Variants in ZDHHC21 observed in about 807,000 individuals in gnomAD.
ZDHHC21 encodes palmitoyltransferase ZDHHC21.
In ZDHHC21, 15 loss-of-function variants were observed where a neutral mutation model predicts 34.6. The ratio of observed to expected loss-of-function variants is 0.43; its 90% CI spans 0.29 to 0.67. The LOEUF (loss-of-function observed/expected upper bound fraction) is 0.67, where lower values mean the gene tolerates loss of function less well. Ranked by LOEUF, ZDHHC21 falls within the 30% of genes least tolerant of loss-of-function variation. ZDHHC21 has a pLI of 0.14. For missense variants in ZDHHC21, 344 were observed against 327.7 expected, an observed-to-expected ratio of 1.05 and a Z score of -0.38; for synonymous variants, 142 against 101.8, an observed-to-expected ratio of 1.40 and a Z score of -2.38.
At chr9:14,643,963 C>T (rs1275544777) in intron 7 of ZDHHC21, among the ~76,000 whole-genome samples, 3 of 152,118 alleles carry the variant, frequency 2.0e-5, no homozygotes, top group East Asian at 3.9e-4. Context: ...TTTGCAAGAA[C>T]GTCTTGATTA....
At chr9:14,652,839 AAAAAACAAGAAAAG>A (rs901870493) in intron 7 of ZDHHC21, among the ~76,000 whole-genome samples, 1 of 152,028 alleles carries the variant, frequency 6.6e-6, no homozygotes, top group African/African-American at 2.4e-5. Flanking sequence ...CTTTCGCCTT[AAAAAACAAGAAAAG>A]AAAAACAAGA....
At chr9:14,601,424 T>C in the ZDHHC21 span, among the ~76,000 whole-genome samples, 1 of 150,808 alleles carries the variant, frequency 6.6e-6, no homozygotes, top group Non-Finnish European at 1.5e-5. Context: ...ATTAGAGAAA[T>C]GCAAATCAAA....
intron 7 of ZDHHC21, among the ~76,000 whole-genome samples, chr9:14,640,742 T>C (rs575221201): frequency 2.0e-5 from 3 of 152,190 alleles, no homozygotes; most frequent in South Asian, 2.1e-4. Flanking sequence ...CAGAGTACTG[T>C]AGAAACATAA....
At chr9:14,603,779 A>T in the ZDHHC21 span, among the ~76,000 whole-genome samples, 3 of 152,198 alleles carry the variant, frequency 2.0e-5, no homozygotes, top group African/African-American at 7.2e-5. Context: ...TTAAGAAACA[A>T]ATACAATCAA....
At chr9:14,641,894 G>T (rs754872822) in intron 7 of ZDHHC21, among the ~76,000 whole-genome samples, 1 of 152,122 alleles carries the variant, frequency 6.6e-6, no homozygotes, top group Non-Finnish European at 1.5e-5. Context: ...GTTTCGGAGT[G>T]GTAAGCCCTG....
At chr9:14,684,806 T>A (rs1247242899) in intron 2 of ZDHHC21, among the ~76,000 whole-genome samples, 2 of 152,080 alleles carry the variant, frequency 1.3e-5, no homozygotes, top group Non-Finnish European at 2.9e-5. Context: ...CAAACTACAC[T>A]ACAAGGCTAC....
intron 7 of ZDHHC21, among the ~76,000 whole-genome samples, chr9:14,641,816 G>A (rs549082849): frequency 1.6e-4 from 24 of 152,206 alleles, no homozygotes; most frequent in African/African-American, 5.3e-4. Flanking sequence ...TCTTAATCAC[G>A]TAATATTTAT....
At chr9:14,669,676 A>G (rs925009462) in intron 5 of ZDHHC21, among the ~76,000 whole-genome samples, 1 of 147,798 alleles carries the variant, frequency 6.8e-6, no homozygotes, top group Admixed American at 6.8e-5. Context: ...ATGCAGCCAT[A>G]AAAAATGATG....
intron 7 of ZDHHC21, among the ~76,000 whole-genome samples, chr9:14,651,501 A>G (rs1171015764): frequency 6.6e-6 from 1 of 151,904 alleles, no homozygotes; most frequent in Non-Finnish European, 1.5e-5. Flanking sequence ...AATTTCAGTT[A>G]CCTTACCTGT....
intron 1 of ZDHHC21, among the ~76,000 whole-genome samples, chr9:14,692,005 G>C (rs1025300266): frequency 4.6e-5 from 7 of 152,200 alleles, no homozygotes; most frequent in African/African-American, 1.7e-4. Flanking sequence ...CAGCTGGATA[G>C]TGACAGAAAT....
Position 14,614,061 on chromosome 9 carries a change from A to G in ZDHHC21, c.*4905T>C, listed in dbSNP as rs2133378038. ...ACAACTCTTCCCATAAAAATGGTATAAATAAGAGATAAGGCTAAAATGATT... is the reference window on the plus strand; with the variant it reads ...ACAACTCTTCCCATAAAAATGGTATGAATAAGAGATAAGGCTAAAATGATT... On this transcript the variant is annotated 3_prime_UTR_variant, in exon 10 of 10. Transcript: ENST00000380916. 6.6e-6 allele frequency: 1 copy of G among 151,918 alleles called. No homozygotes were observed. Among genetic ancestry groups the G allele is most frequent in the East Asian group, 1.9e-4 (1 of 5,168 alleles). 9.4% of individuals were successfully genotyped at this position (151,918 alleles called of 1,614,324 possible).
chr9:14,591,140 A>C, the ZDHHC21 span, among the ~76,000 whole-genome samples: 1 of 152,180 alleles, frequency 6.6e-6, no homozygotes, highest in African/African-American at 2.4e-5. Context: ...AAATGGGGTA[A>C]AGGAAAATAC....
At chr9:14,645,240 T>C (rs533647136) in intron 7 of ZDHHC21, among the ~76,000 whole-genome samples, 11 of 152,128 alleles carry the variant, frequency 7.2e-5, no homozygotes, top group South Asian at 4.2e-4. Context: ...CAGTGTGGTA[T>C]TGTCTCTCCA....
the ZDHHC21 span, among the ~76,000 whole-genome samples, chr9:14,605,668 T>G: frequency 1.3e-5 from 2 of 152,242 alleles, no homozygotes; most frequent in African/African-American, 4.8e-5. Flanking sequence ...TCTCCTTAGC[T>G]ATGCAGAAGC....
At chr9:14,602,059 A>G in the ZDHHC21 span, among the ~76,000 whole-genome samples, 1 of 152,026 alleles carries the variant, frequency 6.6e-6, no homozygotes, top group Non-Finnish European at 1.5e-5. Flanking sequence ...TGACGGGTTG[A>G]TGGGTGCAGC....
intron 1 of ZDHHC21, among the ~76,000 whole-genome samples, chr9:14,692,951 C>T (rs1587536904): frequency 6.6e-6 from 1 of 152,086 alleles, no homozygotes; most frequent in South Asian, 2.1e-4. Flanking sequence ...GCAGGAACCC[C>T]CCACCCCCAG....
At chr9:14,691,590 C>T (rs959872218) in intron 1 of ZDHHC21, among the ~76,000 whole-genome samples, 52 of 152,294 alleles carry the variant, frequency 3.4e-4, no homozygotes, top group Admixed American at 1.8e-3. Flanking sequence ...GCTTAGATTT[C>T]TCTTATTAAA....
rs570778774 is a variant in ZDHHC21 at position 14,647,483 on chromosome 9, T to C, written c.505-7471A>G. Reference sequence around the variant, plus strand: ...CTCATAACATAATTACAATTTCAAGTATGTCACCTTATGAATACCACATGC... The same window carrying C: ...CTCATAACATAATTACAATTTCAAGCATGTCACCTTATGAATACCACATGC... On this transcript the variant is annotated intron_variant, in intron 7 of 9. Transcript: ENST00000380916. Among the ~76,000 whole-genome samples, 9 of 152,256 alleles carry C rather than the reference T, an allele frequency of 5.9e-5. No homozygotes were observed. In the South Asian group the frequency reaches 1.2e-3, roughly 21 times the overall value.
the ZDHHC21 span, among the ~76,000 whole-genome samples, chr9:14,597,135 G>A: frequency 3.3e-3 from 507 of 152,226 alleles, 1 homozygote; most frequent in African/African-American, 0.012. Context: ...GTTCCAGAGA[G>A]GGAGTTTGTT....
Sources: allele counts gnomAD v4.1 joint callset (sites outside exome capture counted in the v4.1 genomes callset), GRCh38; gene constraint gnomAD v4.1.1; transcripts MANE v1.5; gene names NCBI Gene and HGNC (gene_info 2026-07-23, HGNC 2026-07-21).